TAOK1: variants seen among roughly 807,000 people sequenced by gnomAD.
TAOK1 encodes serine/threonine-protein kinase TAO1.
Under a neutral mutation model 138.3 loss-of-function variants are expected in TAOK1, and 21 were observed. The ratio of observed to expected loss-of-function variants is 0.15; its 90% CI spans 0.11 to 0.22. The LOEUF is 0.22. TAOK1 is among the 10% of genes least tolerant of loss of function. The pLI, the probability that TAOK1 is intolerant of heterozygous loss-of-function variation, is 1.00. For missense variants in TAOK1, 651 were observed against 1,227.7 expected (o/e 0.53, Z 7.02); for synonymous variants, 361 against 398.4 (o/e 0.91, Z 1.12).
At chr17:29,476,649 G>A (rs2153026525) in intron 4 of TAOK1, among the ~76,000 whole-genome samples, 1 of 152,156 alleles carries the variant, frequency 6.6e-6, no homozygotes, top group African/African-American at 2.4e-5. Context: ...TTGGTTCCAG[G>A]ACACCCACCC....
chr17:29,411,979 G>A (rs1409279875), intron 1 of TAOK1, among the ~76,000 whole-genome samples: 1 of 151,706 alleles, frequency 6.6e-6, no homozygotes, highest in African/African-American at 2.4e-5. Context: ...CCATATCTAT[G>A]CAGCTTGCTT....
chr17:29,477,611 T>C (rs1014186967), intron 4 of TAOK1, 50 bp from the exon 5 acceptor site: 23 of 1,043,256 alleles, frequency 2.2e-5, no homozygotes, highest in Non-Finnish European at 2.9e-5. Context: ...AAATTTATAT[T>C]AAATCTTTAT....
At chr17:29,532,405 G>A (rs1213594257) in intron 18 of TAOK1, among the ~76,000 whole-genome samples, 1 of 150,262 alleles carries the variant, frequency 6.7e-6, no homozygotes, top group Non-Finnish European at 1.5e-5. Context: ...GGGGGATTTG[G>A]CAGGGTCATA....
intron 1 of TAOK1, among the ~76,000 whole-genome samples, chr17:29,428,867 A>T (rs1905734252): frequency 6.6e-6 from 1 of 151,214 alleles, no homozygotes; most frequent in Non-Finnish European, 1.5e-5. Flanking sequence ...GGCTCAAGTG[A>T]TCCTCTCCTC....
At chr17:29,437,923 G>A (rs2153023161) in intron 1 of TAOK1, among the ~76,000 whole-genome samples, 1 of 152,050 alleles carries the variant, frequency 6.6e-6, no homozygotes, top group Middle Eastern at 3.4e-3. Flanking sequence ...TATTAGACAT[G>A]GAGTTTCATC....
intron 17 of TAOK1, among the ~76,000 whole-genome samples, chr17:29,523,876 A>G (rs1052788852): frequency 1.3e-5 from 2 of 152,166 alleles, no homozygotes; most frequent in Admixed American, 1.3e-4. Flanking sequence ...TGATATTTAA[A>G]CTATAAAATG....
intron 1 of TAOK1, among the ~76,000 whole-genome samples, chr17:29,395,567 C>G (rs1352491880): frequency 2.0e-5 from 3 of 151,194 alleles, no homozygotes; most frequent in African/African-American, 4.9e-5. Flanking sequence ...TTTTATTTCT[C>G]TAGTAAAGTT....
At chr17:29,461,654 C>T (rs2030534472) in intron 2 of TAOK1, among the ~76,000 whole-genome samples, 1 of 152,112 alleles carries the variant, frequency 6.6e-6, no homozygotes, top group Admixed American at 6.6e-5. Context: ...ACTTTGCTCA[C>T]TTCTGATCTA....
intron 2 of TAOK1, among the ~76,000 whole-genome samples, chr17:29,454,927 G>A (rs2030337616): frequency 6.6e-6 from 1 of 151,382 alleles, no homozygotes; most frequent in African/African-American, 2.4e-5. Flanking sequence ...GGTATTTTTT[G>A]TTTTTTGTTG....
chr17:29,396,225 A>G (rs1440586274), intron 1 of TAOK1, among the ~76,000 whole-genome samples: 1 of 152,174 alleles, frequency 6.6e-6, no homozygotes, highest in African/African-American at 2.4e-5. Flanking sequence ...ATATGGTAAC[A>G]GTTATTTCTG....
At chr17:29,411,778 G>A (rs1467690292) in intron 1 of TAOK1, among the ~76,000 whole-genome samples, 3 of 152,062 alleles carry the variant, frequency 2.0e-5, no homozygotes, top group African/African-American at 7.2e-5. Context: ...AAGTGCTTAA[G>A]TGAATTTTTT....
intron 2 of TAOK1, among the ~76,000 whole-genome samples, chr17:29,459,167 A>T (rs2153024955): frequency 6.6e-6 from 1 of 152,122 alleles, no homozygotes; most frequent in East Asian, 1.9e-4. Flanking sequence ...CTGTCTCCTC[A>T]GCCTGGCTTT....
intron 1 of TAOK1, among the ~76,000 whole-genome samples, chr17:29,407,457 T>C (rs780362084): frequency 1.6e-4 from 24 of 152,020 alleles, no homozygotes; most frequent in Admixed American, 1.4e-3. Context: ...TATTTTTATA[T>C]TTTTTTGAGA....
chr17:29,451,339 G>T (rs2030229468), intron 1 of TAOK1, 116 bp from the exon 2 acceptor site: 1 of 399,662 alleles, frequency 2.5e-6, no homozygotes, highest in African/African-American at 2.0e-5. Flanking sequence ...TACCCACACT[G>T]CCTTTTCAGT....
chr17:29,475,637 G>T, intron 3 of TAOK1, 33 bp from the exon 4 acceptor site: 1 of 1,418,594 alleles, frequency 7.0e-7, no homozygotes. Flanking sequence ...GAAAAGTCCT[G>T]TTCATAATTC....
intron 16 of TAOK1, among the ~76,000 whole-genome samples, chr17:29,521,394 A>G (rs551201246): frequency 1.3e-5 from 2 of 152,332 alleles, no homozygotes; most frequent in East Asian, 1.9e-4. Context: ...TGTGCTAGGT[A>G]TTATTCTGAG....
intron 19 of TAOK1, among the ~76,000 whole-genome samples, chr17:29,536,575 G>A (rs1239597140): frequency 1.3e-5 from 2 of 150,438 alleles, no homozygotes; most frequent in Non-Finnish European, 2.9e-5. Flanking sequence ...ACTCCAGCCT[G>A]GGCAACAGAG....
At chr17:29,409,831 A>ATG (rs1905096976) in intron 1 of TAOK1, among the ~76,000 whole-genome samples, 1 of 151,920 alleles carries the variant, frequency 6.6e-6, no homozygotes, top group Admixed American at 6.6e-5. Context: ...GAGAGGGTGT[A>ATG]TGTGTGTGTG....
At chr17:29,409,988 A>G (rs1048064100) in intron 1 of TAOK1, among the ~76,000 whole-genome samples, 1 of 152,126 alleles carries the variant, frequency 6.6e-6, no homozygotes. Flanking sequence ...TCTATCTGTA[A>G]AAGTATCATT....
Sources: gnomAD v4.1 joint callset for allele counts (sites outside exome capture counted in the v4.1 genomes callset) on GRCh38, gnomAD v4.1.1 for gene constraint, MANE v1.5 for transcripts, NCBI Gene and HGNC (gene_info 2026-07-23, HGNC 2026-07-21) for gene names.